The following LCA5 variants were observed in gnomAD, a reference collection of about 807,000 sequenced individuals.
The protein encoded by LCA5 is lebercilin.
In LCA5, 37 loss-of-function variants were observed where a neutral mutation model predicts 53.0. That is an observed-to-expected ratio of 0.70 (90% CI 0.54 to 0.92). The LOEUF is 0.92. Among genes scored for constraint, LCA5 ranks in the 40% least tolerant of loss-of-function variants. The pLI is 0.00. For missense variants in LCA5, 806 were observed against 790.5 expected, an observed-to-expected ratio of 1.02 and a Z score of -0.23; for synonymous variants, 303 against 282.9, an observed-to-expected ratio of 1.07 and a Z score of -0.71.
At chr6:79,519,351 T>C in intron 1 of LCA5, among the ~76,000 whole-genome samples, 1 of 152,306 alleles carries the variant, frequency 6.6e-6, no homozygotes, top group African/African-American at 2.4e-5. Flanking sequence ...TTTTAAGAGT[T>C]ATACTAGAGG....
rs764325386 is a variant in LCA5 at position 79,487,372 on chromosome 6, A to C, written c.1726T>G (p.Phe576Val). ...ATACTGTTTCTTTGGAAATCCAAAA[A>C]ACTACTTTTTTGACTAAATGGATTT... ...RSNPFSQKSSFLDFQRNSMEK... is the reference protein window; with the variant it reads ...RSNPFSQKSSVLDFQRNSMEK... Residue 576 changes from phenylalanine (F) to valine (V), a missense_variant, in exon 8 of 8, where the codon TTT (phenylalanine) becomes GTT (valine). Transcript: ENST00000369846. The C allele has an allele frequency of 6.2e-6, 10 of 1,612,716 alleles. No homozygotes were observed. The highest frequency in any genetic ancestry group is 3.4e-6 in the Non-Finnish European group (4 of 1,179,610).
intron 7 of LCA5, chr6:79,488,210 A>C (rs909043794): frequency 1.5e-5 from 3 of 202,136 alleles, no homozygotes; most frequent in African/African-American, 7.0e-5. Context: ...AAAATAAATG[A>C]AACCTTTCAA....
Position 79,486,989 on chromosome 6 carries a change from G to A in LCA5, c.*15C>T. On this transcript the variant is annotated 3_prime_UTR_variant, in exon 8 of 8. Coordinates refer to ENST00000369846, the MANE Select transcript of LCA5 (RefSeq NM_001122769.3). ...TTCAATATTTACAATTAGAAAAAAT[G>A]TATACTCTAGTCAGTCATCTCAGTG... 1 of 1,598,300 alleles carries A rather than the reference G, an allele frequency of 6.3e-7. No homozygotes were observed. Among genetic ancestry groups the A allele is most frequent in the Non-Finnish European group, 8.6e-7 (1 of 1,169,306 alleles).
intron 1 of LCA5, among the ~76,000 whole-genome samples, chr6:79,524,724 C>T (rs953587520): frequency 9.9e-5 from 15 of 152,006 alleles, no homozygotes; most frequent in Non-Finnish European, 1.6e-4. Flanking sequence ...CCTTTTTTCG[C>T]TCCCTAGGTG....
At chr6:79,536,130 G>A (rs774155262) in intron 1 of LCA5, among the ~76,000 whole-genome samples, 2 of 152,080 alleles carry the variant, frequency 1.3e-5, no homozygotes, top group Non-Finnish European at 2.9e-5. Context: ...AACTTATTTG[G>A]ATAAACATAC....
intron 1 of LCA5, among the ~76,000 whole-genome samples, chr6:79,521,183 A>C (rs1391258980): frequency 6.6e-6 from 1 of 152,224 alleles, no homozygotes; most frequent in Non-Finnish European, 1.5e-5. Flanking sequence ...AAGGAAGCAG[A>C]GTTTAGGAAA....
chr6:79,512,428 G>T (rs1766250869), intron 3 of LCA5, among the ~76,000 whole-genome samples: 1 of 152,124 alleles, frequency 6.6e-6, no homozygotes, highest in Non-Finnish European at 1.5e-5. Context: ...ATTATATAGA[G>T]TAAGTACCAC....
chr6:79,538,326 C>G (rs1351063012), upstream of LCA5, among the ~76,000 whole-genome samples: 3 of 152,092 alleles, frequency 2.0e-5, no homozygotes, highest in East Asian at 5.8e-4. Flanking sequence ...ATCTTCTAAC[C>G]ATGAAGATTG....
At chr6:79,499,791 C>T (rs564043660) in intron 3 of LCA5, among the ~76,000 whole-genome samples, 3 of 151,188 alleles carry the variant, frequency 2.0e-5, no homozygotes, top group Non-Finnish European at 2.9e-5. Flanking sequence ...GTGTGCTGCA[C>T]CCATTAACTC....
intron 1 of LCA5, among the ~76,000 whole-genome samples, chr6:79,520,022 G>C (rs1339402894): frequency 6.6e-6 from 1 of 151,972 alleles, no homozygotes; most frequent in African/African-American, 2.4e-5. Context: ...AAGATCCCTA[G>C]AGTTTTTTTG....
chr6:79,497,695 T>C (rs1416247864), intron 3 of LCA5, among the ~76,000 whole-genome samples: 1 of 152,094 alleles, frequency 6.6e-6, no homozygotes, highest in Non-Finnish European at 1.5e-5. Context: ...GATACAATGA[T>C]GGCCAGGTGC....
At chr6:79,523,328 A>T (rs1315602606) in intron 1 of LCA5, among the ~76,000 whole-genome samples, 1 of 152,026 alleles carries the variant, frequency 6.6e-6, no homozygotes, top group Non-Finnish European at 1.5e-5. Context: ...ACATGAAAAA[A>T]ATTGTCTAGA....
At position 79,487,193 on chromosome 6, in the gene LCA5, G is replaced by A. The variant is rs1484100842; in HGVS notation, c.1905C>T (p.Asp635=). 2.5e-6 allele frequency: 4 copies of A among 1,613,808 alleles called. No individual in the cohort carries two copies. The highest frequency in any genetic ancestry group is 1.7e-5 in the Admixed American group (1 of 59,986). ...NSVASSKGDI[D]PLNFLPGNKG... ...TATTCCCAGGGAGAAAATTTAGAGG[G>A]TCAATGTCTCCTTTACTGGAAGCCA... Residue 635 remains aspartate, a synonymous_variant, in exon 8 of 8, where the codon GAC becomes GAT. Coordinates refer to ENST00000369846, the MANE Select transcript of LCA5 (RefSeq NM_001122769.3).
At position 79,518,926 on chromosome 6, in the gene LCA5, T is replaced by A; in HGVS notation, c.-32A>T. On this transcript the variant is annotated 5_prime_UTR_variant, in exon 2 of 8. Transcript: ENST00000369846. ...GAAAAATGGTCTCTATTCACATAAT[T>A]TCACAGATTATTTTCTCCAGAGGAG... 1.9e-6 allele frequency: 3 copies of A among 1,601,260 alleles called. No individual in the cohort carries two copies. Among genetic ancestry groups the A allele is most frequent in the Non-Finnish European group, 2.6e-6 (3 of 1,168,332 alleles).
At chr6:79,489,028 T>G in intron 7 of LCA5, 56 bp downstream of exon 7, 2 of 1,600,266 alleles carry the variant, frequency 1.2e-6, no homozygotes, top group South Asian at 1.1e-5. Flanking sequence ...ACGCTCACTC[T>G]TTCTTTCTCA....
intron 3 of LCA5, among the ~76,000 whole-genome samples, chr6:79,496,242 T>C (rs1769980372): frequency 1.3e-5 from 2 of 152,234 alleles, no homozygotes; most frequent in East Asian, 1.9e-4. Flanking sequence ...TGCGGATGTA[T>C]AATGGTACAA....
intron 1 of LCA5, chr6:79,525,316 G>T (rs1407300422): frequency 6.6e-6 from 1 of 152,124 alleles, no homozygotes; most frequent in Non-Finnish European, 1.5e-5. Context: ...ACCACTCCTA[G>T]GAAATCCCCT....
Position 79,492,552 on chromosome 6 carries a change from AT to A in LCA5, c.953del (p.Asn318MetfsTer29). ...NKEKELALRK[N>X]AACQSDFADL... ...TTTGAACAATCATATTTACCATACC[AT>A]TTTTTCTTAATGCAAGTTCTTTCTC... is the stretch of plus-strand genomic sequence containing the variant. On this transcript the variant is annotated frameshift_variant and splice_region_variant, in exon 5 of 8. Coordinates refer to ENST00000369846, the MANE Select transcript of LCA5 (RefSeq NM_001122769.3). LOFTEE classifies it high-confidence loss of function. 5 of 1,460,030 alleles carry A rather than the reference AT, an allele frequency of 3.4e-6. No individual in the cohort carries two copies. The South Asian group carries it at 3.6e-5, about 10-fold the overall frequency. The allele number at this position is 1,460,030 out of a possible 1,614,324, so 90.4% of individuals were successfully genotyped here.
At chr6:79,500,546 G>A (rs1388740879) in intron 3 of LCA5, among the ~76,000 whole-genome samples, 2 of 152,142 alleles carry the variant, frequency 1.3e-5, no homozygotes, top group Non-Finnish European at 2.9e-5. Context: ...CCTTGTGTAA[G>A]CAAGGACCCT....
Sources: gnomAD v4.1 joint callset for allele counts (sites outside exome capture counted in the v4.1 genomes callset) on GRCh38, gnomAD v4.1.1 for gene constraint, MANE v1.5 for transcripts, NCBI Gene and HGNC (gene_info 2026-07-23, HGNC 2026-07-21) for gene names.